The following BLNK variants were observed in gnomAD, a reference collection of about 807,000 sequenced individuals.
BLNK encodes the protein B-cell linker protein.
A neutral mutation model predicts 73.5 loss-of-function variants in BLNK; 29 were observed. The observed-to-expected ratio is 0.39, with a 90% CI of 0.29 to 0.54. BLNK has a LOEUF of 0.54. Among genes scored for constraint, BLNK ranks in the 20% least tolerant of loss-of-function variants. The pLI, the probability that BLNK is intolerant of heterozygous loss-of-function variation, is 0.61. For missense variants in BLNK, 460 were observed against 562.8 expected, an observed-to-expected ratio of 0.82 and a Z score of 1.85; for synonymous variants, 176 against 200.8, an observed-to-expected ratio of 0.88 and a Z score of 1.04.
intron 11 of BLNK, 125 bp from the exon 12 acceptor site, chr10:96,204,741 A>T: frequency 1.2e-6 from 1 of 811,318 alleles, no homozygotes; most frequent in Non-Finnish European, 2.1e-6. Context: ...TGTCTTAGTT[A>T]CTGAGATGTC....
At chr10:96,235,500 C>T (rs587615717) in intron 3 of BLNK, among the ~76,000 whole-genome samples, 6 of 152,298 alleles carry the variant, frequency 3.9e-5, no homozygotes, top group African/African-American at 1.4e-4. Context: ...CCAAGGTCTT[C>T]TCACCAAGCC....
At chr10:96,232,038 C>G (rs1842518480) in intron 3 of BLNK, among the ~76,000 whole-genome samples, 1 of 152,212 alleles carries the variant, frequency 6.6e-6, no homozygotes, top group African/African-American at 2.4e-5. Context: ...ATATTTGACC[C>G]CTTTCCCTCC....
At chr10:96,239,321 G>A (rs1478046544) in intron 3 of BLNK, among the ~76,000 whole-genome samples, 1 of 152,164 alleles carries the variant, frequency 6.6e-6, no homozygotes, top group Non-Finnish European at 1.5e-5. Flanking sequence ...AGTATTAGAG[G>A]GGACCTGACA....
At position 96,249,901 on chromosome 10, in the gene BLNK, G is replaced by A. The variant is rs547153150; in HGVS notation, c.48-2852C>T. Reference sequence around the variant, plus strand: ...GAGAGTGTTCCACTGGCATGGAAGGGTGGAGGGAGGACAGGCTGGAGTGTG... The same window carrying A: ...GAGAGTGTTCCACTGGCATGGAAGGATGGAGGGAGGACAGGCTGGAGTGTG... On this transcript the variant is annotated intron_variant, in intron 1 of 16. Coordinates refer to ENST00000224337, the MANE Select transcript of BLNK (RefSeq NM_013314.4). 3.3e-5 allele frequency among the ~76,000 whole-genome samples: 5 copies of A among 152,348 alleles called. No individual in the cohort carries two copies. In the South Asian group the frequency reaches 1.0e-3, roughly 32 times the overall value.
At position 96,189,745 on chromosome 10, in the gene BLNK, G is replaced by T. The variant is rs782121580; in HGVS notation, c.*2228C>A. The stretch of plus-strand genomic sequence containing the variant: ...ATCATCATCATCATCTTCATCAGCA[G>T]CAAGTTTTACTTTTATTCTCTGGAA... On this transcript the variant is annotated 3_prime_UTR_variant, in exon 17 of 17. Transcript: ENST00000224337. 1.4e-6 allele frequency: 1 copy of T among 734,690 alleles called. No individual in the cohort carries two copies. Among genetic ancestry groups the T allele is most frequent in the East Asian group, 2.5e-5 (1 of 39,354 alleles). 45.5% of individuals were successfully genotyped at this position (734,690 alleles called of 1,614,324 possible).
At chr10:96,209,366 T>C (rs1390752102) in intron 9 of BLNK, among the ~76,000 whole-genome samples, 1 of 148,784 alleles carries the variant, frequency 6.7e-6, no homozygotes, top group African/African-American at 2.4e-5. Flanking sequence ...GAGGAAATAC[T>C]TCTAGATTTA....
chr10:96,214,372 G>A (rs73322911), intron 8 of BLNK, among the ~76,000 whole-genome samples: 7,487 of 152,234 alleles, frequency 0.049, 601 homozygotes, highest in African/African-American at 0.17. Context: ...ACATGGCAAA[G>A]ACTAGCTTTG....
chr10:96,213,672 G>C (rs2083998447), intron 8 of BLNK, among the ~76,000 whole-genome samples: 1 of 152,166 alleles, frequency 6.6e-6, no homozygotes, highest in African/African-American at 2.4e-5. Context: ...GTAGAGCTTT[G>C]TAAGAGGTAA....
chr10:96,212,725 C>A (rs1554898935), intron 8 of BLNK, among the ~76,000 whole-genome samples: 1 of 152,214 alleles, frequency 6.6e-6, no homozygotes, highest in Non-Finnish European at 1.5e-5. Flanking sequence ...GAAACACCAA[C>A]TAGGCACCTG....
At position 96,190,693 on chromosome 10, in the gene BLNK, C is replaced by T. The variant is rs1554893164; in HGVS notation, c.*1280G>A. On this transcript the variant is annotated 3_prime_UTR_variant, in exon 17 of 17. Transcript: ENST00000224337. ...TCTTATGCAGTGGCCAAGTGTGTTC[C>T]CCATTTAATTATTAGACTTAATTAG... Among the ~76,000 whole-genome samples the T allele has an allele frequency of 6.6e-5, 10 of 152,142 alleles. No individual in the cohort carries two copies. Among genetic ancestry groups the T allele is most frequent in the Non-Finnish European group, 1.5e-5 (1 of 68,032 alleles).
At chr10:96,202,702 A>C (rs1486792329) in intron 13 of BLNK, among the ~76,000 whole-genome samples, 2 of 152,184 alleles carry the variant, frequency 1.3e-5, no homozygotes, top group African/African-American at 4.8e-5. Flanking sequence ...CTCCCAGGTG[A>C]GAGCAGCAAA....
intron 13 of BLNK, chr10:96,203,612 C>CAAAAG (rs1793529702): frequency 7.2e-5 from 11 of 152,776 alleles, no homozygotes; most frequent in Admixed American, 3.3e-4. Context: ...AGATATTTGC[C>CAAAAG]GTATCTTCTT....
chr10:96,254,252 G>A (rs1342147616), intron 1 of BLNK, among the ~76,000 whole-genome samples: 4 of 152,112 alleles, frequency 2.6e-5, no homozygotes, highest in Non-Finnish European at 5.9e-5. Flanking sequence ...CCCAGGAAAG[G>A]AAAGACACTG....
At chr10:96,224,139 A>G in intron 5 of BLNK, 150 bp from the exon 6 acceptor site, 6 of 904,346 alleles carry the variant, frequency 6.6e-6, no homozygotes, top group Non-Finnish European at 8.3e-6. Context: ...GTAAAGTGAA[A>G]TGTTAGGCCC....
chr10:96,249,459 G>A (rs1158943874), intron 1 of BLNK, among the ~76,000 whole-genome samples: 1 of 152,272 alleles, frequency 6.6e-6, no homozygotes, highest in Non-Finnish European at 1.5e-5. Flanking sequence ...AAACAATGCA[G>A]CCATGCTGGT....
At chr10:96,248,564 A>G (rs1299306699) in intron 1 of BLNK, among the ~76,000 whole-genome samples, 1 of 152,142 alleles carries the variant, frequency 6.6e-6, no homozygotes, top group Non-Finnish European at 1.5e-5. Context: ...CTTTTGACCC[A>G]GCAATTGGAC....
At chr10:96,198,363 C>T (rs2083530224) in intron 15 of BLNK, among the ~76,000 whole-genome samples, 1 of 152,156 alleles carries the variant, frequency 6.6e-6, no homozygotes, top group South Asian at 2.1e-4. Context: ...AGACTATGAT[C>T]TAAGAAAACT....
intron 8 of BLNK, among the ~76,000 whole-genome samples, chr10:96,213,373 GAC>G (rs60587163): frequency 0.11 from 16,032 of 152,248 alleles, 1,419 homozygotes; most frequent in African/African-American, 0.23. Context: ...ATTAGACTGA[GAC>G]ACAAAGTAAT....
intron 6 of BLNK, among the ~76,000 whole-genome samples, chr10:96,221,060 T>C (rs1554901060): frequency 1.3e-5 from 2 of 152,270 alleles, no homozygotes; most frequent in African/African-American, 4.8e-5. Flanking sequence ...ATTATTTTAT[T>C]GAATTCTTAT....
Sources: allele counts gnomAD v4.1 joint callset (sites outside exome capture counted in the v4.1 genomes callset), GRCh38; gene constraint gnomAD v4.1.1; transcripts MANE v1.5; gene names NCBI Gene and HGNC (gene_info 2026-07-23, HGNC 2026-07-21).